Variants in SGSM2 observed in about 807,000 individuals in gnomAD.
SGSM2 encodes the protein small G protein signaling modulator 2, also known as RUN and TBC1 domain containing 1.
Under a neutral mutation model 126.6 loss-of-function variants are expected in SGSM2, and 89 were observed. The observed-to-expected ratio is 0.70, with a 90% confidence interval of 0.59 to 0.84. The LOEUF is 0.84. Ranked by LOEUF, SGSM2 falls within the 40% of genes least tolerant of loss-of-function variation. SGSM2 has a pLI of 0.00. For missense variants in SGSM2, 1,404 were observed against 1,416.6 expected, an observed-to-expected ratio of 0.99 and a Z score of 0.14; for synonymous variants, 614 against 574.3, an observed-to-expected ratio of 1.07 and a Z score of -0.99.
intron 2 of SGSM2, among the ~76,000 whole-genome samples, chr17:2,357,931 C>T (rs973150828): frequency 2.0e-5 from 3 of 152,210 alleles, no homozygotes; most frequent in Non-Finnish European, 4.4e-5. Flanking sequence ...AGGGTCATCA[C>T]CTTGTGGTGG....
chr17:2,370,017 G>A (rs1478179133), intron 12 of SGSM2, among the ~76,000 whole-genome samples: 5 of 152,232 alleles, frequency 3.3e-5, no homozygotes, highest in East Asian at 1.9e-4. Context: ...CAGGGCAACC[G>A]CTGAGGGAAC....
Position 2,362,170 on chromosome 17 carries a change from C to T in SGSM2, c.358C>T (p.Pro120Ser). Residue 120 changes from proline (P) to serine (S), a missense_variant, in exon 4 of 24, where the codon CCG becomes TCG. Coordinates refer to ENST00000268989, the MANE Select transcript of SGSM2 (RefSeq NM_014853.3). The surrounding 1 kb of genome is among the most constrained non-coding windows in gnomAD (Gnocchi z 4.9). Reference protein sequence around the residue: ...RRQGSASGKAPALSPQALKHV... With the variant: ...RRQGSASGKASALSPQALKHV... ...ACAGGGCTCAGCCAGCGGGAAGGCC[C>T]CGGCCCTCAGCCCTCAGGCCTTGAA... 6.2e-7 allele frequency: 1 copy of T among 1,614,012 alleles called. No individual in the cohort carries two copies. The highest frequency in any genetic ancestry group is 8.5e-7 in the Non-Finnish European group (1 of 1,180,028).
At position 2,363,945 on chromosome 17, in the gene SGSM2, C is replaced by T. The variant is rs991593973; in HGVS notation, c.808-114C>T. ...CTGCCCCGTCCCTAGTCCAGGACCCCGTGACTAGCCTAGCTTGGCCTCCCC... is the reference window on the plus strand; with the variant it reads ...CTGCCCCGTCCCTAGTCCAGGACCCTGTGACTAGCCTAGCTTGGCCTCCCC... On this transcript the variant is annotated intron_variant, in intron 7 of 23. Transcript: ENST00000268989. This position sits in a 1 kb window ranked among gnomAD's most constrained non-coding sequence, Gnocchi z 4.2. 3.2e-5 allele frequency: 43 copies of T among 1,335,394 alleles called. No individual in the cohort carries two copies. Among genetic ancestry groups the T allele is most frequent in the African/African-American group, 1.3e-4 (9 of 69,564 alleles). 82.7% of individuals were successfully genotyped at this position (1,335,394 alleles called of 1,614,324 possible). A position where few individuals can be genotyped will look rare whatever the true frequency, so the allele number is the denominator to read the frequency against.
At chr17:2,376,312 T>C (rs772129108) in intron 19 of SGSM2, 51 bp downstream of exon 19, 1 of 1,610,186 alleles carries the variant, frequency 6.2e-7, no homozygotes, top group Non-Finnish European at 8.5e-7. Flanking sequence ...TGCCGCCAGT[T>C]ACTCTGTGAA....
chr17:2,367,990 A>G lies in SGSM2; in HGVS notation c.1423+585A>G, dbSNP rs1209811070. Reference sequence around the variant, plus strand: ...CATGAAATCTAGAAATAGCTGCAGCATGGTGTCCAGGAAGGGGCCAGGCTC... The same window carrying G: ...CATGAAATCTAGAAATAGCTGCAGCGTGGTGTCCAGGAAGGGGCCAGGCTC... On this transcript the variant is annotated intron_variant, in intron 12 of 23. Coordinates refer to ENST00000268989, the MANE Select transcript of SGSM2 (RefSeq NM_014853.3). This position sits in a 1 kb window ranked among gnomAD's most constrained non-coding sequence, Gnocchi z 4.0. Among the ~76,000 whole-genome samples the G allele has an allele frequency of 6.6e-6, 1 of 152,188 alleles. No individual in the cohort carries two copies. Among genetic ancestry groups the G allele is most frequent in the Non-Finnish European group, 1.5e-5 (1 of 68,026 alleles).
At position 2,380,242 on chromosome 17, in the gene SGSM2, C is replaced by G; in HGVS notation, c.*722C>G. 6.5e-7 allele frequency: 1 copy of G among 1,535,994 alleles called. No individual in the cohort carries two copies. The highest frequency in any genetic ancestry group is 8.7e-7 in the Non-Finnish European group (1 of 1,146,830). The stretch of plus-strand genomic sequence containing the variant: ...ATCTGTACAGCCTCGCTCCTGCCAC[C>G]CCACCCTTGCGTTCTGCATTAGGTA... On this transcript the variant is annotated 3_prime_UTR_variant, in exon 24 of 24. Transcript: ENST00000268989.
intron 12 of SGSM2, among the ~76,000 whole-genome samples, chr17:2,370,540 TCCTGGGACCTGTGACTTCCATCCAGCTC>T (rs1214042167): frequency 7.4e-6 from 1 of 134,632 alleles, no homozygotes; most frequent in Non-Finnish European, 1.6e-5. Flanking sequence ...GGCCTCGTAG[TCCTGGGACCTGTGACTTCCATCCAGCTC>T]CCTGGTGTTT....
rs951481641 is a variant in SGSM2, at chr17:2,345,551, G to T, written c.133+1931G>T. ...GCGGAGCTTGCAGTGAGCCAAGATC[G>T]CGCCACTGCACTCCAGCCTGGGTGA... On this transcript the variant is annotated intron_variant, in intron 2 of 23. Transcript: ENST00000268989. 4.1e-5 allele frequency among the ~76,000 whole-genome samples: 6 copies of T among 147,002 alleles called. No individual in the cohort carries two copies. The South Asian group carries it at 8.6e-4, about 21-fold the overall frequency.
Position 2,373,474 on chromosome 17 carries a change from G to A in SGSM2, c.2061G>A (p.Val687=), listed in dbSNP as rs1248969905. The A allele has an allele frequency of 1.3e-6, 2 of 1,599,174 alleles. No homozygotes were observed. Among genetic ancestry groups the A allele is most frequent in the South Asian group, 1.1e-5 (1 of 90,314 alleles). The change falls in exon 17 of 24, where the codon GTG becomes GTA. Residue 687 remains valine (V), a synonymous_variant. Transcript: ENST00000268989. ...CAGGCAGCAGCATCGACAGCCACGT[G>A]CAGCGCCTCATCCACCGAGACTCCA... is the stretch of plus-strand genomic sequence containing the variant. ...FSSGSSIDSH[V]QRLIHRDSTI... is the part of the protein sequence containing the mutation.
At position 2,375,091 on chromosome 17, in the gene SGSM2, C is replaced by T. The variant is rs112912766; in HGVS notation, c.2101-401C>T. 639 of 169,732 alleles carry T rather than the reference C, an allele frequency of 3.8e-3. 3 individuals are homozygous for T. Among genetic ancestry groups the T allele is most frequent in the African/African-American group, 0.014 (611 of 42,162 alleles). 10.5% of individuals were successfully genotyped at this position (169,732 alleles called of 1,614,324 possible). A position where few individuals can be genotyped will look rare whatever the true frequency, so the allele number is the denominator to read the frequency against. The stretch of plus-strand genomic sequence containing the variant: ...AAGGCAAAACTTGTTTTTCCTAAAA[C>T]CTCTAGGCTTCTCTCCACCCAGCCA... On this transcript the variant is annotated intron_variant, in intron 17 of 23. Transcript: ENST00000268989.
intron 2 of SGSM2, among the ~76,000 whole-genome samples, chr17:2,356,850 A>G (rs79245336): frequency 1 from 14,168 of 14,168 alleles, 7,084 homozygotes; most frequent in Non-Finnish European, 1. Flanking sequence ...CCATATCTTA[A>G]AATGGTGGAA....
rs1397728467 is a variant in SGSM2, at chr17:2,372,351, C to T, written c.1651C>T (p.His551Tyr). ...VSRAFYGWLAHCRHLSTVRTH... is the reference protein window; with the variant it reads ...VSRAFYGWLAYCRHLSTVRTH... ...ACCGCTGCCCACCGCAGGGCTGGCA[C>T]ACTGCCGCCACCTGTCCACGGTGCG... The change falls in exon 15 of 24, where the codon CAC (histidine) becomes TAC (tyrosine). Residue 551 changes from histidine (H) to tyrosine (Y), a missense_variant. By Grantham distance (83) the His-to-Tyr change is moderately conservative. Coordinates refer to ENST00000268989, the MANE Select transcript of SGSM2 (RefSeq NM_014853.3). This position sits in a 1 kb window ranked among gnomAD's most constrained non-coding sequence, Gnocchi z 6.0. 6.3e-7 allele frequency: 1 copy of T among 1,593,692 alleles called. No individual in the cohort carries two copies. Among genetic ancestry groups the T allele is most frequent in the Non-Finnish European group, 8.5e-7 (1 of 1,170,400 alleles).
In SGSM2 at chr17:2,354,215, T is replaced by TTTTGTTTGTTTGTTTTG. The variant is rs1555596810; in HGVS notation, c.134-7411_134-7410insGTTTTGTTTGTTTGTTT. Among the ~76,000 whole-genome samples the TTTTGTTTGTTTGTTTTG allele has an allele frequency of 2.0e-4, 30 of 151,572 alleles. 1 individual carries two copies. Among genetic ancestry groups the TTTTGTTTGTTTGTTTTG allele is most frequent in the African/African-American group, 7.0e-4 (29 of 41,198 alleles). ...AGCCACTGCACCTGACCTAGAGTTT[T>TTTTGTTTGTTTGTTTTG]TTTGTTTGTTTTTTAGTAGAGACGG... On this transcript the variant is annotated intron_variant, in intron 2 of 23. Transcript: ENST00000268989.
rs1279646796 is a variant in SGSM2, at chr17:2,379,062, G to C, written c.2926G>C (p.Val976Leu). Residue 976 changes from valine (V) to leucine (L), a missense_variant, in exon 23 of 24, where the codon GTG becomes CTG. Transcript: ENST00000268989. ...RELLYEDVFA[V>L]WEVIWAARHI... ...ACTGCTGTATGAGGATGTGTTTGCT[G>C]TGTGGGAGGTGATCTGGGCAGCCAG... is the stretch of plus-strand genomic sequence containing the variant. The C allele has an allele frequency of 6.2e-7, 1 of 1,614,208 alleles. No individual in the cohort carries two copies. Among genetic ancestry groups the C allele is most frequent in the Admixed American group, 1.7e-5 (1 of 60,022 alleles).
chr17:2,364,822 GC>G, intron 9 of SGSM2, 74 bp from the exon 10 acceptor site: 1 of 1,584,904 alleles, frequency 6.3e-7, no homozygotes, highest in Non-Finnish European at 8.6e-7. Flanking sequence ...CTCCTACCCA[GC>G]CTGGGGGCAC....
chr17:2,370,758 C>G (rs973731623), intron 12 of SGSM2, among the ~76,000 whole-genome samples: 33 of 152,222 alleles, frequency 2.2e-4, no homozygotes, highest in African/African-American at 7.0e-4. Context: ...GCAGGTGACT[C>G]AGATTCCTCG....
chr17:2,364,678 T>C lies in SGSM2; in HGVS notation c.1000+15T>C. 6.2e-7 allele frequency: 1 copy of C among 1,614,116 alleles called. No individual in the cohort carries two copies. The highest frequency in any genetic ancestry group is 1.1e-5 in the South Asian group (1 of 91,086). On this transcript the variant is annotated intron_variant, in intron 9 of 23. Transcript: ENST00000268989. Reference sequence around the variant, plus strand: ...CCACCAGCAAAGTAAGCCTGCCTTGTCCTCGGCTCGGGTGGGAAGGGAGAG... The same window carrying C: ...CCACCAGCAAAGTAAGCCTGCCTTGCCCTCGGCTCGGGTGGGAAGGGAGAG...
At chr17:2,358,934 G>T (rs926978915) in intron 2 of SGSM2, among the ~76,000 whole-genome samples, 65 of 146,508 alleles carry the variant, frequency 4.4e-4, no homozygotes, top group African/African-American at 1.5e-3. Context: ...CTGGAGTGCA[G>T]TGGCGCCATC....
rs192269588 is a variant in SGSM2 at position 2,380,317 on chromosome 17, C to A, written c.*797C>A. Reference sequence around the variant, plus strand: ...AGTGATGCTTTTGCCAGTGGATGATCTGGAATGCGACCGGAGCACTTGCTC... The same window carrying A: ...AGTGATGCTTTTGCCAGTGGATGATATGGAATGCGACCGGAGCACTTGCTC... On this transcript the variant is annotated 3_prime_UTR_variant, in exon 24 of 24. Coordinates refer to ENST00000268989, the MANE Select transcript of SGSM2 (RefSeq NM_014853.3). 2.4e-3 allele frequency: 3,759 copies of A among 1,535,482 alleles called. 154 individuals are homozygous for A. The Admixed American group carries it at 0.069, about 28-fold the overall frequency.
Sources: gnomAD v4.1 joint callset for allele counts (sites outside exome capture counted in the v4.1 genomes callset) on GRCh38, gnomAD v4.1.1 for gene constraint, Gnocchi (gnomAD v3.1) non-coding constraint, MANE v1.5 for transcripts, NCBI Gene and HGNC (gene_info 2026-07-23, HGNC 2026-07-21) for gene names.